Variants in CECR2 observed in about 807,000 individuals in gnomAD.
CECR2 encodes the protein CECR2 histone acetyl-lysine reader, also known as chromatin remodeling regulator CECR2.
In CECR2, 30 loss-of-function variants were observed where a neutral mutation model predicts 154.5. That is an observed-to-expected ratio of 0.19 (90% CI 0.15 to 0.26). The LOEUF is 0.26. Among genes scored for constraint, CECR2 ranks in the 10% least tolerant of loss-of-function variants. The pLI is 1.00. For synonymous variants in CECR2, 725 were observed against 683.7 expected, an observed-to-expected ratio of 1.06 and a Z score of -0.94; for missense variants, 1,743 against 1,829.3, an observed-to-expected ratio of 0.95 and a Z score of 0.86.
intron 1 of CECR2, among the ~76,000 whole-genome samples, chr22:17,362,711 G>A (rs2062982958): frequency 1.3e-5 from 2 of 151,730 alleles, no homozygotes; most frequent in East Asian, 3.9e-4. Flanking sequence ...AGACCAGCCT[G>A]GCCAAGATGG....
rs2056476136 is a variant in CECR2, at chr22:17,538,793, T to C, written c.1368+62T>C. 3 of 1,447,836 alleles carry C rather than the reference T, an allele frequency of 2.1e-6. No individual in the cohort carries two copies. In the African/African-American group the frequency reaches 4.3e-5, roughly 21 times the overall value. 89.7% of individuals were successfully genotyped at this position (1,447,836 alleles called of 1,614,324 possible). ...TGTATATCTTTCTTGGGTTTTGTTG[T>C]TTGTTTGTTGTTAAATATATATATA... On this transcript the variant is annotated intron_variant, in intron 12 of 18. Coordinates refer to ENST00000262608, the MANE Select transcript of CECR2 (RefSeq NM_001290047.2).
At chr22:17,411,181 T>A (rs913716076) in intron 1 of CECR2, among the ~76,000 whole-genome samples, 1 of 152,334 alleles carries the variant, frequency 6.6e-6, no homozygotes, top group South Asian at 2.1e-4. Context: ...CAGGGTAATG[T>A]TTTTGGATTG....
At chr22:17,496,300 A>G (rs1291620318) in intron 2 of CECR2, among the ~76,000 whole-genome samples, 3 of 152,108 alleles carry the variant, frequency 2.0e-5, no homozygotes, top group East Asian at 3.9e-4. Context: ...GATCGAGACC[A>G]TCCTGGTTAA....
At chr22:17,505,142 C>A in intron 7 of CECR2, 126 bp downstream of exon 7, 2 of 918,904 alleles carry the variant, frequency 2.2e-6, no homozygotes, top group Non-Finnish European at 3.2e-6. Flanking sequence ...TCCATCCTGT[C>A]TGAACTCCAG....
At chr22:17,444,594 G>C (rs113631303) in intron 1 of CECR2, among the ~76,000 whole-genome samples, 5,240 of 152,010 alleles carry the variant, frequency 0.034, 305 homozygotes, top group African/African-American at 0.12. Context: ...ACTCTAGCCT[G>C]GGCGACAAAG....
chr22:17,516,210 T>G (rs910171589), intron 8 of CECR2, among the ~76,000 whole-genome samples: 1 of 152,066 alleles, frequency 6.6e-6, no homozygotes, highest in African/African-American at 2.4e-5. Flanking sequence ...TATAGAGATA[T>G]ATATATATGG....
At chr22:17,499,657 T>C in intron 4 of CECR2, 108 bp downstream of exon 4, 3 of 1,136,658 alleles carry the variant, frequency 2.6e-6, no homozygotes, top group Non-Finnish European at 3.7e-6. Flanking sequence ...GAAGGAATTC[T>C]CTAAGCATGC....
chr22:17,380,843 G>A (rs1182437574), intron 1 of CECR2, among the ~76,000 whole-genome samples: 2 of 152,180 alleles, frequency 1.3e-5, no homozygotes, highest in African/African-American at 2.4e-5. Context: ...CTCCTGGCCG[G>A]TTCCTTTTAA....
At chr22:17,429,068 C>T in intron 1 of CECR2, among the ~76,000 whole-genome samples, 1 of 151,906 alleles carries the variant, frequency 6.6e-6, no homozygotes, top group South Asian at 2.1e-4. Flanking sequence ...CATTGTTCAT[C>T]AGGGTTGGGA....
At chr22:17,523,917 T>C (rs2056205099) in intron 8 of CECR2, among the ~76,000 whole-genome samples, 1 of 152,142 alleles carries the variant, frequency 6.6e-6, no homozygotes, top group Non-Finnish European at 1.5e-5. Context: ...GACACAAAAG[T>C]TTTACCATTT....
chr22:17,452,463 T>G (rs1026630604), intron 1 of CECR2, among the ~76,000 whole-genome samples: 1 of 151,942 alleles, frequency 6.6e-6, no homozygotes, highest in South Asian at 2.1e-4. Context: ...AGAGGGAGAA[T>G]AGGGGAAAAA....
chr22:17,446,561 C>T (rs2054666654), intron 1 of CECR2, among the ~76,000 whole-genome samples: 1 of 151,794 alleles, frequency 6.6e-6, no homozygotes, highest in African/African-American at 2.4e-5. Flanking sequence ...ACTAAAAATA[C>T]AAAAAATTAG....
At chr22:17,446,970 C>T (rs1320549678) in intron 1 of CECR2, among the ~76,000 whole-genome samples, 1 of 150,418 alleles carries the variant, frequency 6.6e-6, no homozygotes, top group Non-Finnish European at 1.5e-5. Context: ...GTTTACAGTT[C>T]TTTAGCTAGA....
intron 1 of CECR2, among the ~76,000 whole-genome samples, chr22:17,403,906 C>G (rs1005169154): frequency 1.3e-5 from 2 of 151,874 alleles, no homozygotes; most frequent in Non-Finnish European, 2.9e-5. Context: ...AAGTACTGAT[C>G]GAAGTTGGTG....
intron 1 of CECR2, among the ~76,000 whole-genome samples, chr22:17,457,093 C>T (rs950296913): frequency 1.1e-4 from 16 of 152,260 alleles, no homozygotes; most frequent in African/African-American, 3.6e-4. Context: ...GTGGCACTAT[C>T]TCTGTTCATC....
chr22:17,420,508 A>G (rs2054229721), intron 1 of CECR2, among the ~76,000 whole-genome samples: 1 of 152,178 alleles, frequency 6.6e-6, no homozygotes, highest in Admixed American at 6.5e-5. Context: ...AATTTTGTTT[A>G]AAACATGCAC....
intron 9 of CECR2, among the ~76,000 whole-genome samples, chr22:17,533,354 G>T (rs1034627736): frequency 7.3e-5 from 11 of 151,368 alleles, no homozygotes; most frequent in Non-Finnish European, 1.5e-4. Flanking sequence ...TGATAGCTGG[G>T]CACAGTGGCT....
At chr22:17,509,394 C>G (rs984776067) in intron 7 of CECR2, among the ~76,000 whole-genome samples, 1 of 150,986 alleles carries the variant, frequency 6.6e-6, no homozygotes, top group Non-Finnish European at 1.5e-5. Context: ...GGATAAGTTT[C>G]TTGATACCAT....
intron 1 of CECR2, among the ~76,000 whole-genome samples, chr22:17,470,310 C>T (rs1325963709): frequency 6.7e-6 from 1 of 148,882 alleles, no homozygotes; most frequent in Admixed American, 6.8e-5. Flanking sequence ...TGGTGGTGCA[C>T]GACTGTAGTC....
Sources: allele counts gnomAD v4.1 joint callset (sites outside exome capture counted in the v4.1 genomes callset), GRCh38; gene constraint gnomAD v4.1.1; transcripts MANE v1.5; gene names NCBI Gene and HGNC (gene_info 2026-07-23, HGNC 2026-07-21).